The following PARD3 variants were observed in gnomAD, a reference collection of about 807,000 sequenced individuals.
PARD3 encodes partitioning defective 3 homolog.
Under a neutral mutation model 155.4 loss-of-function variants are expected in PARD3, and 75 were observed. The ratio of observed to expected loss-of-function variants is 0.48; its 90% CI spans 0.40 to 0.58. PARD3 has a LOEUF of 0.58. Among genes scored for constraint, PARD3 ranks in the 20% least tolerant of loss-of-function variants. The pLI, the probability that PARD3 is intolerant of heterozygous loss-of-function variation, is 0.00. For missense variants in PARD3, 1,642 were observed against 1,721.7 expected, an observed-to-expected ratio of 0.95 and a Z score of 0.82; for synonymous variants, 576 against 610.5, an observed-to-expected ratio of 0.94 and a Z score of 0.83.
chr10:34,137,677 C>G (rs1018357958), intron 22 of PARD3, among the ~76,000 whole-genome samples: 9 of 152,284 alleles, frequency 5.9e-5, no homozygotes, highest in African/African-American at 2.2e-4. Context: ...TGGGTGTATT[C>G]TTTGTGCTCC....
intron 3 of PARD3, among the ~76,000 whole-genome samples, chr10:34,507,784 T>A (rs1284105687): frequency 6.6e-6 from 1 of 152,188 alleles, no homozygotes; most frequent in African/African-American, 2.4e-5. Flanking sequence ...CATGTAATAA[T>A]CAGATTGCAT....
At chr10:34,134,424 T>A (rs1397194629) in intron 22 of PARD3, among the ~76,000 whole-genome samples, 1 of 152,336 alleles carries the variant, frequency 6.6e-6, no homozygotes, top group East Asian at 1.9e-4. Flanking sequence ...CCATAATTAT[T>A]AGGATCATGA....
At chr10:34,416,897 A>G (rs1845730925) in intron 5 of PARD3, among the ~76,000 whole-genome samples, 1 of 152,240 alleles carries the variant, frequency 6.6e-6, no homozygotes, top group African/African-American at 2.4e-5. Flanking sequence ...TCTTGCTTCT[A>G]AACTCCAAGC....
At chr10:34,270,676 C>A (rs146592544) in intron 21 of PARD3, among the ~76,000 whole-genome samples, 3 of 152,144 alleles carry the variant, frequency 2.0e-5, no homozygotes, top group Admixed American at 2.0e-4. Context: ...AGCTTAAACA[C>A]GAATCCACAC....
At chr10:34,529,124 G>A (rs773996854) in intron 2 of PARD3, among the ~76,000 whole-genome samples, 1 of 152,134 alleles carries the variant, frequency 6.6e-6, no homozygotes, top group Non-Finnish European at 1.5e-5. Context: ...ACTGGAGATG[G>A]GAGTCCATGG....
intron 1 of PARD3, among the ~76,000 whole-genome samples, chr10:34,793,297 A>C (rs1471603582): frequency 6.6e-6 from 1 of 152,220 alleles, no homozygotes; most frequent in African/African-American, 2.4e-5. Flanking sequence ...GGAGGGCAGT[A>C]GGACTCCAGG....
intron 22 of PARD3, among the ~76,000 whole-genome samples, chr10:34,136,292 G>A (rs906340948): frequency 1.3e-5 from 2 of 152,296 alleles, no homozygotes; most frequent in East Asian, 1.9e-4. Context: ...CTGAACCTGG[G>A]TATCCTTCCT....
chr10:34,213,586 A>C (rs967383046), intron 22 of PARD3, among the ~76,000 whole-genome samples: 1 of 152,226 alleles, frequency 6.6e-6, no homozygotes, highest in Non-Finnish European at 1.5e-5. Context: ...GATTACATAA[A>C]TGTTTACAGA....
chr10:34,276,524 C>T (rs1392892537), intron 21 of PARD3, among the ~76,000 whole-genome samples: 1 of 152,132 alleles, frequency 6.6e-6, no homozygotes, highest in African/African-American at 2.4e-5. Flanking sequence ...TGTAACATTT[C>T]TATTCATTAG....
chr10:34,605,971 CTATATCTCCTATATA>C (rs2090366194), intron 2 of PARD3, among the ~76,000 whole-genome samples: 2 of 53,994 alleles, frequency 3.7e-5, no homozygotes, highest in Non-Finnish European at 3.1e-5. Context: ...TCTCCTATAT[CTATATCTCCTATATA>C]TATATATCTC....
At chr10:34,485,230 C>A (rs1051430742) in intron 3 of PARD3, among the ~76,000 whole-genome samples, 1 of 151,916 alleles carries the variant, frequency 6.6e-6, no homozygotes, top group Non-Finnish European at 1.5e-5. Context: ...GCCAGCTACT[C>A]GGGAGGCTGA....
At chr10:34,712,378 G>T (rs1341425069) in intron 1 of PARD3, among the ~76,000 whole-genome samples, 1 of 152,190 alleles carries the variant, frequency 6.6e-6, no homozygotes, top group Non-Finnish European at 1.5e-5. Context: ...ATGAAAGCAG[G>T]CACCTGGTGC....
chr10:34,128,452 A>G (rs900112472), intron 23 of PARD3, among the ~76,000 whole-genome samples: 24 of 152,250 alleles, frequency 1.6e-4, no homozygotes, highest in African/African-American at 5.5e-4. Context: ...CATATAATAC[A>G]TAAAATGTAC....
chr10:34,619,529 T>C (rs1387706107), intron 2 of PARD3, among the ~76,000 whole-genome samples: 2 of 152,196 alleles, frequency 1.3e-5, no homozygotes, highest in African/African-American at 4.8e-5. Flanking sequence ...AATTATAATG[T>C]TATTTGCCAA....
At chr10:34,185,179 T>C (rs890721988) in intron 22 of PARD3, among the ~76,000 whole-genome samples, 1 of 152,214 alleles carries the variant, frequency 6.6e-6, no homozygotes, top group African/African-American at 2.4e-5. Flanking sequence ...GCTATTAATA[T>C]ATCAAGTTTA....
At chr10:34,573,964 T>G (rs966660284) in intron 2 of PARD3, among the ~76,000 whole-genome samples, 5 of 152,182 alleles carry the variant, frequency 3.3e-5, no homozygotes, top group African/African-American at 1.2e-4. Context: ...ATTTATATAT[T>G]GGATTGATAT....
chr10:34,198,171 G>C (rs1268045380), intron 22 of PARD3, among the ~76,000 whole-genome samples: 1 of 152,138 alleles, frequency 6.6e-6, no homozygotes. Flanking sequence ...CAAGCAAATA[G>C]ATACTTTCTA....
chr10:34,436,927 A>G (rs1352373069), intron 5 of PARD3, among the ~76,000 whole-genome samples: 1 of 152,228 alleles, frequency 6.6e-6, no homozygotes, highest in African/African-American at 2.4e-5. Flanking sequence ...AGGAGCCACA[A>G]GAAACAAATA....
chr10:34,499,954 A>T (rs533398119), intron 3 of PARD3, among the ~76,000 whole-genome samples: 2 of 152,374 alleles, frequency 1.3e-5, no homozygotes, highest in African/African-American at 4.8e-5. Context: ...ACTGCTATGT[A>T]AATAGTTGTT....
Sources: allele counts gnomAD v4.1 joint callset (sites outside exome capture counted in the v4.1 genomes callset), GRCh38; gene constraint gnomAD v4.1.1; transcripts MANE v1.5; gene names NCBI Gene and HGNC (gene_info 2026-07-23, HGNC 2026-07-21).